Variants in RNF149 observed in about 807,000 individuals in gnomAD.
RNF149 encodes the protein ring finger protein 149, also known as E3 ubiquitin-protein ligase RNF149.
Under a neutral mutation model 39.0 loss-of-function variants are expected in RNF149, and 21 were observed. The ratio of observed to expected loss-of-function variants is 0.54; its 90% confidence interval spans 0.38 to 0.77. The LOEUF (loss-of-function observed/expected upper bound fraction) is 0.77, where lower values mean the gene tolerates loss of function less well. Ranked by LOEUF, RNF149 falls within the 30% of genes least tolerant of loss-of-function variation. The pLI is 0.00. For missense variants in RNF149, 493 were observed against 534.9 expected (o/e 0.92, Z 0.77); for synonymous variants, 209 against 213.6 (o/e 0.98, Z 0.19).
intron 3 of RNF149, among the ~76,000 whole-genome samples, chr2:101,292,973 T>A (rs1683076981): frequency 1.7e-5 from 1 of 57,852 alleles, no homozygotes; most frequent in Non-Finnish European, 4.7e-5. Context: ...AGATGTGATC[T>A]TTTTTTTTTT....
chr2:101,281,787 G>A (rs1276092285), intron 6 of RNF149, 72 bp downstream of exon 6: 1 of 1,562,250 alleles, frequency 6.4e-7, no homozygotes, highest in African/African-American at 1.3e-5. Context: ...AACTCCCAAA[G>A]CACTGAGATT....
Position 101,276,713 on chromosome 2 carries a change from A to C in RNF149, c.*525T>G. 2 of 986,140 alleles carry C rather than the reference A, an allele frequency of 2.0e-6. No individual in the cohort carries two copies. The highest frequency in any genetic ancestry group is 2.4e-6 in the Non-Finnish European group (2 of 830,328). The allele number at this position is 986,140 out of a possible 1,614,324, so 61.1% of individuals were successfully genotyped here. ...TGCTCTCAGGTTTTGAAATCTTCAC[A>C]TACACTACAGATGGGCAAAAAAGCT... On this transcript the variant is annotated 3_prime_UTR_variant, in exon 7 of 7. Coordinates refer to ENST00000295317, the MANE Select transcript of RNF149 (RefSeq NM_173647.4).
chr2:101,291,353 G>T (rs577554835), intron 3 of RNF149, among the ~76,000 whole-genome samples: 38 of 151,994 alleles, frequency 2.5e-4, no homozygotes, highest in African/African-American at 8.7e-4. Flanking sequence ...GTTTCACCAT[G>T]TTGGCCAAGC....
chr2:101,294,714 G>A (rs914206448), intron 2 of RNF149: 2 of 515,380 alleles, frequency 3.9e-6, no homozygotes, highest in African/African-American at 3.9e-5. Flanking sequence ...AAACAAATGT[G>A]CAAAAGGTAA....
intron 1 of RNF149, among the ~76,000 whole-genome samples, chr2:101,295,685 C>G (rs1031758815): frequency 6.6e-6 from 1 of 150,412 alleles, no homozygotes; most frequent in African/African-American, 2.4e-5. Context: ...AAGAACTATT[C>G]CCCCAAAAGC....
intron 3 of RNF149, among the ~76,000 whole-genome samples, chr2:101,293,659 A>G (rs1186832483): frequency 2.0e-5 from 3 of 152,212 alleles, no homozygotes; most frequent in Non-Finnish European, 4.4e-5. Flanking sequence ...CAGATTTAAC[A>G]GAAATGAACT....
chr2:101,286,451 T>C lies in RNF149; in HGVS notation c.864-274A>G, dbSNP rs1048010042. On this transcript the variant is annotated intron_variant, in intron 4 of 6. Transcript: ENST00000295317. Reference sequence around the variant, plus strand: ...ATTTTTATGTGCCTCTGTAAGTTATTTGAAAGCTTTTTGGGAAAAAATGTG... The same window carrying C: ...ATTTTTATGTGCCTCTGTAAGTTATCTGAAAGCTTTTTGGGAAAAAATGTG... The C allele has an allele frequency of 9.1e-5, 23 of 253,240 alleles. No homozygotes were observed. The highest frequency in any genetic ancestry group is 1.6e-4 in the Non-Finnish European group (21 of 133,684). The allele number at this position is 253,240 out of a possible 1,614,324, so 15.7% of individuals were successfully genotyped here.
intron 4 of RNF149, 34 bp downstream of exon 4, chr2:101,288,939 A>G (rs1305134283): frequency 9.0e-7 from 1 of 1,110,848 alleles, no homozygotes; most frequent in Non-Finnish European, 1.3e-6. Context: ...TTGTCAAGTA[A>G]TTTTTAACAT....
chr2:101,308,229 G>T lies in RNF149; in HGVS notation c.360C>A (p.Phe120Leu), dbSNP rs761842730. 1.9e-6 allele frequency: 3 copies of T among 1,604,430 alleles called. No homozygotes were observed. The Admixed American group carries it at 5.1e-5, about 27-fold the overall frequency. ...GCGCCGCCACCAGCACCTTGTCCTT[G>T]AAGGTGCAGCCCCCACGAGCCACCA... ...VALVARGGCT[F>L]KDKVLVAARR... The change falls in exon 1 of 7, where the codon TTC (phenylalanine) becomes TTA (leucine). Residue 120 changes from phenylalanine to leucine, a missense_variant. Physicochemically the swap from Phe to Leu is conservative, Grantham distance 22. Transcript: ENST00000295317.
chr2:101,306,044 C>T (rs1683647254), intron 1 of RNF149, among the ~76,000 whole-genome samples: 1 of 152,114 alleles, frequency 6.6e-6, no homozygotes, highest in Admixed American at 6.5e-5. Context: ...AGAGAAGCTC[C>T]GAAGAAGTGG....
intron 1 of RNF149, among the ~76,000 whole-genome samples, chr2:101,301,592 C>T (rs369262026): frequency 4.1e-4 from 63 of 152,296 alleles, no homozygotes; most frequent in African/African-American, 1.4e-3. Context: ...AGGTATGCAT[C>T]ACGATGTCCC....
chr2:101,296,754 A>G (rs896910085), intron 1 of RNF149, among the ~76,000 whole-genome samples: 1 of 152,194 alleles, frequency 6.6e-6, no homozygotes. Flanking sequence ...AAAAGAGGAA[A>G]CATCCAATGG....
Position 101,276,367 on chromosome 2 carries a change from A to C in RNF149, c.*871T>G. The C allele has an allele frequency of 1.0e-6, 1 of 985,902 alleles. No homozygotes were observed. The highest frequency in any genetic ancestry group is 1.2e-6 in the Non-Finnish European group (1 of 829,920). 61.1% of individuals were successfully genotyped at this position (985,902 alleles called of 1,614,324 possible). ...CAAGGTCATGGTATTAAATCTGCTTAAACTCTAATCAAGAAAACTGGTTAT... is the reference window on the plus strand; with the variant it reads ...CAAGGTCATGGTATTAAATCTGCTTCAACTCTAATCAAGAAAACTGGTTAT... On this transcript the variant is annotated 3_prime_UTR_variant, in exon 7 of 7. Transcript: ENST00000295317.
chr2:101,293,216 C>T (rs1683090076), intron 3 of RNF149, among the ~76,000 whole-genome samples: 1 of 151,674 alleles, frequency 6.6e-6, no homozygotes, highest in Non-Finnish European at 1.5e-5. Flanking sequence ...AAGAGATATA[C>T]ACCATAAGTG....
intron 1 of RNF149, among the ~76,000 whole-genome samples, chr2:101,297,166 G>A (rs1177024623): frequency 2.6e-5 from 4 of 152,002 alleles, no homozygotes; most frequent in African/African-American, 7.3e-5. Flanking sequence ...CCAAGATTGC[G>A]CCACTGCACT....
At chr2:101,285,036 A>G (rs143742338) in intron 5 of RNF149, among the ~76,000 whole-genome samples, 1 of 152,202 alleles carries the variant, frequency 6.6e-6, no homozygotes, top group East Asian at 1.9e-4. Context: ...ATGGGACTAC[A>G]GGAGCGTGCC....
At chr2:101,288,692 G>C (rs1682888544) in intron 4 of RNF149, 1 of 297,378 alleles carries the variant, frequency 3.4e-6, no homozygotes, top group Non-Finnish European at 6.3e-6. Context: ...AATGTATAAT[G>C]GAATTCCTAG....
In RNF149 at chr2:101,277,185, G is replaced by A; in HGVS notation, c.*53C>T. ...TGTGCTAAAGTAAAAAAAATAAAAT[G>A]TCCTTTAGTTCAAGCCAAACTTCTG... On this transcript the variant is annotated 3_prime_UTR_variant, in exon 7 of 7. Transcript: ENST00000295317. The A allele has an allele frequency of 6.2e-7, 1 of 1,602,712 alleles. No homozygotes were observed. Among genetic ancestry groups the A allele is most frequent in the Non-Finnish European group, 8.5e-7 (1 of 1,173,300 alleles).
chr2:101,281,098 C>T (rs1312687118), intron 6 of RNF149, among the ~76,000 whole-genome samples: 1 of 152,058 alleles, frequency 6.6e-6, no homozygotes, highest in Non-Finnish European at 1.5e-5. Flanking sequence ...TACATTTTAC[C>T]TATCAGAGTG....
Sources: gnomAD v4.1 joint callset for allele counts (sites outside exome capture counted in the v4.1 genomes callset) on GRCh38, gnomAD v4.1.1 for gene constraint, MANE v1.5 for transcripts, NCBI Gene and HGNC (gene_info 2026-07-23, HGNC 2026-07-21) for gene names.